The following ASIC2 variants were observed in gnomAD, a reference collection of about 807,000 sequenced individuals.
The protein encoded by ASIC2 is acid-sensing ion channel 2.
In ASIC2, 25 loss-of-function variants were observed where a neutral mutation model predicts 57.3. The observed-to-expected ratio is 0.44, with a 90% confidence interval of 0.32 to 0.61. ASIC2 has a LOEUF of 0.61. ASIC2 is among the 20% of genes least tolerant of loss of function. The pLI is 0.06. For synonymous variants in ASIC2, 319 were observed against 307.5 expected (o/e 1.04, Z -0.39); for missense variants, 641 against 738.1 (o/e 0.87, Z 1.52).
chr17:33,929,657 G>A (rs750094134), intron 1 of ASIC2, among the ~76,000 whole-genome samples: 1 of 152,186 alleles, frequency 6.6e-6, no homozygotes, highest in African/African-American at 2.4e-5. Context: ...CCTTTGTCCT[G>A]CCAGTCTTGT....
intron 1 of ASIC2, among the ~76,000 whole-genome samples, chr17:34,068,478 C>G (rs931538006): frequency 1.3e-5 from 2 of 152,186 alleles, no homozygotes; most frequent in Non-Finnish European, 2.9e-5. Flanking sequence ...GAATTGGCTT[C>G]TAGATGTCAA....
chr17:33,654,257 T>C (rs1907011465), intron 1 of ASIC2, among the ~76,000 whole-genome samples: 1 of 152,208 alleles, frequency 6.6e-6, no homozygotes, highest in Non-Finnish European at 1.5e-5. Context: ...ACTAGAGCTT[T>C]TAGTTGAGAG....
chr17:33,298,940 G>A (rs529484123), intron 1 of ASIC2, among the ~76,000 whole-genome samples: 27 of 152,240 alleles, frequency 1.8e-4, no homozygotes, highest in African/African-American at 5.8e-4. Context: ...AAATAAAAGA[G>A]GACACAAACA....
chr17:33,906,224 G>C (rs1023440576), intron 1 of ASIC2, among the ~76,000 whole-genome samples: 3 of 152,030 alleles, frequency 2.0e-5, no homozygotes, highest in African/African-American at 7.2e-5. Context: ...TCTTCTCCGG[G>C]TCTCAGTATG....
At chr17:33,915,701 C>T (rs1440291813) in intron 1 of ASIC2, among the ~76,000 whole-genome samples, 2 of 152,220 alleles carry the variant, frequency 1.3e-5, no homozygotes, top group African/African-American at 4.8e-5. Flanking sequence ...ATGTTTCTGC[C>T]ACTCCTCATA....
At chr17:33,538,197 T>C (rs1395464816) in intron 1 of ASIC2, among the ~76,000 whole-genome samples, 1 of 152,224 alleles carries the variant, frequency 6.6e-6, no homozygotes, top group Non-Finnish European at 1.5e-5. Context: ...TATCCTTTAG[T>C]TGGACCTTAG....
In ASIC2 at chr17:33,570,303, A is replaced by G. The variant is rs570854425; in HGVS notation, c.556-458236T>C. Among the ~76,000 whole-genome samples the G allele has an allele frequency of 2.6e-5, 4 of 152,350 alleles. No individual in the cohort carries two copies. In the South Asian group the frequency reaches 6.2e-4, roughly 24 times the overall value. On this transcript the variant is annotated intron_variant, in intron 1 of 9. Coordinates refer to the ASIC2 transcript ENST00000359872. ...CTCTATCCCATCTAGCCTTGAGCCC[A>G]TCAGGACTCTGAGAAATCAGGAATG...
intron 1 of ASIC2, among the ~76,000 whole-genome samples, chr17:33,901,328 C>T (rs1396728793): frequency 2.0e-5 from 3 of 152,136 alleles, no homozygotes; most frequent in Admixed American, 1.3e-4. Flanking sequence ...TCATCAGTGG[C>T]CAGTTTTTCC....
chr17:33,466,705 A>T (rs909909935), intron 1 of ASIC2, among the ~76,000 whole-genome samples: 3 of 152,338 alleles, frequency 2.0e-5, no homozygotes, highest in East Asian at 3.9e-4. Flanking sequence ...ATCTACAATG[A>T]TCTGATCTTT....
At chr17:33,720,216 G>T (rs200416534) in intron 1 of ASIC2, among the ~76,000 whole-genome samples, 1 of 152,140 alleles carries the variant, frequency 6.6e-6, no homozygotes, top group East Asian at 1.9e-4. Flanking sequence ...TGCCCAGCCT[G>T]GTTTGTATTG....
At chr17:33,081,833 G>A (rs1210634969) in intron 3 of ASIC2, among the ~76,000 whole-genome samples, 1 of 152,164 alleles carries the variant, frequency 6.6e-6, no homozygotes, top group Non-Finnish European at 1.5e-5. Flanking sequence ...TGGAAATGTG[G>A]CCAACTTATA....
intron 1 of ASIC2, among the ~76,000 whole-genome samples, chr17:33,276,923 C>T (rs35265099): frequency 0.022 from 3,396 of 152,194 alleles, 96 homozygotes; most frequent in African/African-American, 0.067. Context: ...GGGACAGAGG[C>T]CCTTCTTTCT....
chr17:33,222,247 C>CAATGAAA (rs1907715260), intron 1 of ASIC2, among the ~76,000 whole-genome samples: 1 of 152,030 alleles, frequency 6.6e-6, no homozygotes, highest in South Asian at 2.1e-4. Context: ...TATTATTTAA[C>CAATGAAA]AATGAAAAAT....
chr17:34,028,034 A>C (rs1907444074), intron 1 of ASIC2, among the ~76,000 whole-genome samples: 1 of 152,256 alleles, frequency 6.6e-6, no homozygotes, highest in Admixed American at 6.5e-5. Flanking sequence ...TATATGAGGA[A>C]AATGAGGTTC....
At chr17:33,548,531 C>T (rs1915650685) in intron 1 of ASIC2, among the ~76,000 whole-genome samples, 1 of 152,150 alleles carries the variant, frequency 6.6e-6, no homozygotes, top group Admixed American at 6.5e-5. Flanking sequence ...TGCACACTGG[C>T]CATGCATTGT....
At chr17:33,830,791 A>G (rs935990131) in intron 1 of ASIC2, among the ~76,000 whole-genome samples, 1 of 151,548 alleles carries the variant, frequency 6.6e-6, no homozygotes, top group South Asian at 2.1e-4. Context: ...TTCAAATTCC[A>G]CTTATGGGAG....
intron 1 of ASIC2, among the ~76,000 whole-genome samples, chr17:33,784,667 A>AT (rs1046777799): frequency 6.6e-6 from 1 of 152,168 alleles, no homozygotes; most frequent in Non-Finnish European, 1.5e-5. Flanking sequence ...GATATTTTAC[A>AT]TTTTTTTCAT....
intron 1 of ASIC2, among the ~76,000 whole-genome samples, chr17:33,551,754 T>C (rs957377024): frequency 1.3e-5 from 2 of 152,192 alleles, no homozygotes; most frequent in East Asian, 1.9e-4. Context: ...ATCCCTTCGA[T>C]GTAAAAGCCA....
At chr17:33,859,610 C>T (rs1444043857) in intron 1 of ASIC2, among the ~76,000 whole-genome samples, 5 of 152,144 alleles carry the variant, frequency 3.3e-5, no homozygotes, top group Non-Finnish European at 7.3e-5. Flanking sequence ...AAGGTATTGA[C>T]TGGAATTCAA....
Sources: allele counts gnomAD v4.1 joint callset (sites outside exome capture counted in the v4.1 genomes callset), GRCh38; gene constraint gnomAD v4.1.1; transcripts MANE v1.5; gene names NCBI Gene and HGNC (gene_info 2026-07-23, HGNC 2026-07-21).